Variants in SBF2 observed in about 807,000 individuals in gnomAD.
SBF2 encodes SET binding factor 2, also known as myotubularin-related protein 13.
In SBF2, 112 loss-of-function variants were observed where a neutral mutation model predicts 225.2. The observed-to-expected ratio is 0.50, with a 90% CI of 0.43 to 0.58. SBF2 has a LOEUF of 0.58. Among genes scored for constraint, SBF2 ranks in the 20% least tolerant of loss-of-function variants. The pLI is 0.00. For missense variants in SBF2, 1,996 were observed against 2,206.2 expected, an observed-to-expected ratio of 0.90 and a Z score of 1.91; for synonymous variants, 763 against 773.3, an observed-to-expected ratio of 0.99 and a Z score of 0.22.
At chr11:9,837,396 T>C (rs1855795857) in intron 26 of SBF2, among the ~76,000 whole-genome samples, 1 of 152,218 alleles carries the variant, frequency 6.6e-6, no homozygotes, top group Admixed American at 6.5e-5. Flanking sequence ...TTTACATAAA[T>C]AAAACTCATA....
At position 9,789,308 on chromosome 11, in the gene SBF2, T is replaced by C. The variant is rs775360425; in HGVS notation, c.4733A>G (p.Lys1578Arg). Reference protein sequence around the residue: ...LKPNVNVSSLKKWDYYIEETL... With the variant: ...LKPNVNVSSLRKWDYYIEETL... ...CTCTTCTATGTAGTAATCCCACTTC[T>C]TGAGGCTAGAGACGTTTACATTGGG... is the stretch of plus-strand genomic sequence containing the variant. The change falls in exon 35 of 40, where the codon AAG becomes AGG. Residue 1578 changes from lysine (K) to arginine (R), a missense_variant. Lys to Arg is a conservative substitution (Grantham distance 26). Coordinates refer to ENST00000256190, the MANE Select transcript of SBF2 (RefSeq NM_030962.4). 43 of 1,614,022 alleles carry C rather than the reference T, an allele frequency of 2.7e-5. No individual in the cohort carries two copies. The highest frequency in any genetic ancestry group is 3.3e-5 in the Non-Finnish European group (39 of 1,179,998).
intron 1 of SBF2, among the ~76,000 whole-genome samples, chr11:10,254,900 C>CAAAAAAAAAAAAAAAAA (rs71034757): frequency 6.4e-4 from 28 of 44,074 alleles, no homozygotes; most frequent in Non-Finnish European, 8.7e-4. Context: ...GACTCTGTCT[C>CAAAAAAAAAAAAAAAAA]AAAAAAAAAA....
chr11:9,983,323 G>A (rs1355796649), intron 13 of SBF2, among the ~76,000 whole-genome samples: 1 of 152,078 alleles, frequency 6.6e-6, no homozygotes, highest in Non-Finnish European at 1.5e-5. Flanking sequence ...CCACTTTCCT[G>A]ACAACTTGCA....
At position 10,090,764 on chromosome 11, in the gene SBF2, C is replaced by CAA. The variant is rs201577494; in HGVS notation, c.142-47785_142-47784dup. Among the ~76,000 whole-genome samples, 40 of 44,312 alleles carry CAA rather than the reference C, an allele frequency of 9.0e-4. 2 individuals are homozygous for CAA. The highest frequency in any genetic ancestry group is 1.6e-3 in the South Asian group (2 of 1,222). The allele number at this position is 44,312 out of a possible 152,430, so 29.1% of individuals were successfully genotyped here. A position where few individuals can be genotyped will look rare whatever the true frequency, so the allele number is the denominator to read the frequency against. On this transcript the variant is annotated intron_variant, in intron 2 of 39. Coordinates refer to ENST00000256190, the MANE Select transcript of SBF2 (RefSeq NM_030962.4). ...TGGGAGTCAGAGCAAGATTCCATCTCAAAAAAAAAAAAAAAAAAAAAGCTA... is the reference window on the plus strand; with the variant it reads ...TGGGAGTCAGAGCAAGATTCCATCTCAAAAAAAAAAAAAAAAAAAAAAAGCTA...
chr11:9,952,658 C>A (rs1765592724), intron 16 of SBF2, among the ~76,000 whole-genome samples: 1 of 152,074 alleles, frequency 6.6e-6, no homozygotes, highest in Admixed American at 6.6e-5. Context: ...TTTTAATGGG[C>A]TTTTGGGTGG....
At chr11:10,132,745 C>T (rs997981563) in intron 2 of SBF2, among the ~76,000 whole-genome samples, 3 of 148,826 alleles carry the variant, frequency 2.0e-5, no homozygotes, top group African/African-American at 7.4e-5. Context: ...CCAATGCTGG[C>T]TCGGGCAGCC....
intron 20 of SBF2, 46 bp downstream of exon 20, chr11:9,853,493 CA>C: frequency 6.4e-7 from 1 of 1,551,602 alleles, no homozygotes; most frequent in Non-Finnish European, 8.9e-7. Flanking sequence ...TGCTGAAACT[CA>C]ATAATCTCCA....
intron 26 of SBF2, among the ~76,000 whole-genome samples, chr11:9,832,795 G>C (rs1042993706): frequency 6.6e-6 from 1 of 152,134 alleles, no homozygotes; most frequent in Non-Finnish European, 1.5e-5. Flanking sequence ...CAGGGATTGA[G>C]AAGAAAATCC....
intron 7 of SBF2, among the ~76,000 whole-genome samples, chr11:10,002,106 A>T (rs1947992287): frequency 6.6e-6 from 1 of 152,180 alleles, no homozygotes; most frequent in African/African-American, 2.4e-5. Flanking sequence ...ACGGCTACAT[A>T]TATATTTCTA....
At chr11:9,924,307 A>T (rs553779175) in intron 16 of SBF2, among the ~76,000 whole-genome samples, 14 of 152,240 alleles carry the variant, frequency 9.2e-5, no homozygotes, top group Non-Finnish European at 1.9e-4. Context: ...ATTATAAAAT[A>T]GGCTTTGTAT....
intron 1 of SBF2, among the ~76,000 whole-genome samples, chr11:10,289,657 C>A (rs1306024056): frequency 6.6e-6 from 1 of 152,138 alleles, no homozygotes; most frequent in Non-Finnish European, 1.5e-5. Context: ...GGATGCGGCC[C>A]TAGGCGGCCC....
chr11:10,193,351 C>CTTTTTTTTTTTTTT (rs60903141), intron 2 of SBF2, among the ~76,000 whole-genome samples: 1 of 110,500 alleles, frequency 9.0e-6, no homozygotes, highest in Non-Finnish European at 1.8e-5. Context: ...TCAATTTCAT[C>CTTTTTTTTTTTTTT]TTTTTTTTTT....
intron 2 of SBF2, among the ~76,000 whole-genome samples, chr11:10,175,035 C>T (rs980080695): frequency 8.6e-5 from 13 of 152,040 alleles, no homozygotes; most frequent in South Asian, 4.2e-4. Context: ...AAGGAACGAC[C>T]GATACCAGCC....
chr11:10,129,942 C>A (rs1057477898), intron 2 of SBF2, among the ~76,000 whole-genome samples: 1 of 151,936 alleles, frequency 6.6e-6, no homozygotes, highest in Non-Finnish European at 1.5e-5. Context: ...CCCAGGAGGT[C>A]AAGACTGCAG....
chr11:10,170,529 G>C (rs1162644492), intron 2 of SBF2, among the ~76,000 whole-genome samples: 3 of 151,972 alleles, frequency 2.0e-5, no homozygotes, highest in African/African-American at 4.8e-5. Flanking sequence ...GGTTACTATA[G>C]CTCTGTAGTT....
At chr11:10,244,243 T>C (rs754786963) in intron 1 of SBF2, among the ~76,000 whole-genome samples, 10 of 151,890 alleles carry the variant, frequency 6.6e-5, no homozygotes, top group Non-Finnish European at 1.0e-4. Context: ...TTTTCTTCTA[T>C]GAGTTTCATC....
chr11:10,217,683 G>A (rs184309105), intron 1 of SBF2, among the ~76,000 whole-genome samples: 6 of 152,174 alleles, frequency 3.9e-5, no homozygotes, highest in Middle Eastern at 3.4e-3. Context: ...ATTTTTATGA[G>A]AGAAAAAACT....
At chr11:10,189,490 A>T (rs1170630373) in intron 2 of SBF2, among the ~76,000 whole-genome samples, 1 of 152,196 alleles carries the variant, frequency 6.6e-6, no homozygotes, top group Non-Finnish European at 1.5e-5. Context: ...TCTGTCCTCA[A>T]ATAACATCCC....
intron 2 of SBF2, among the ~76,000 whole-genome samples, chr11:10,162,881 A>G (rs1955812076): frequency 6.6e-6 from 1 of 152,190 alleles, no homozygotes; most frequent in South Asian, 2.1e-4. Flanking sequence ...GTCTGACAGC[A>G]TTCCTCAGAC....
Sources: gnomAD v4.1 joint callset for allele counts (sites outside exome capture counted in the v4.1 genomes callset) on GRCh38, gnomAD v4.1.1 for gene constraint, MANE v1.5 for transcripts, NCBI Gene and HGNC (gene_info 2026-07-23, HGNC 2026-07-21) for gene names.